The following ANO2 variants were observed in gnomAD, a reference collection of about 807,000 sequenced individuals.
ANO2 encodes the protein anoctamin 2, also known as anoctamin-2.
Under a neutral mutation model 124.2 loss-of-function variants are expected in ANO2, and 101 were observed. That is an observed-to-expected ratio of 0.81 (90% CI 0.69 to 0.96). The LOEUF (loss-of-function observed/expected upper bound fraction) is 0.96, where lower values mean the gene tolerates loss of function less well. Ranked by LOEUF, ANO2 falls within the 40% of genes least tolerant of loss-of-function variation. The pLI, the probability that ANO2 is intolerant of heterozygous loss-of-function variation, is 0.00. For synonymous variants in ANO2, 486 were observed against 482.5 expected (o/e 1.01, Z -0.09); for missense variants, 1,293 against 1,274.5 (o/e 1.01, Z -0.22).
At chr12:5,765,780 C>T (rs1484035118) in intron 10 of ANO2, among the ~76,000 whole-genome samples, 4 of 152,112 alleles carry the variant, frequency 2.6e-5, no homozygotes, top group Non-Finnish European at 2.9e-5. Flanking sequence ...CAAAAACAGG[C>T]CACATAATGG....
intron 19 of ANO2, among the ~76,000 whole-genome samples, chr12:5,600,169 T>C (rs1943867715): frequency 6.6e-6 from 1 of 152,020 alleles, no homozygotes; most frequent in Admixed American, 6.6e-5. Context: ...GAGATATGAC[T>C]TTTAGGAGGT....
At chr12:5,626,225 G>C (rs1945394442) in intron 16 of ANO2, among the ~76,000 whole-genome samples, 1 of 152,150 alleles carries the variant, frequency 6.6e-6, no homozygotes, top group South Asian at 2.1e-4. Context: ...GCGTTTTGAA[G>C]ATTGAAGGTG....
intron 3 of ANO2, among the ~76,000 whole-genome samples, chr12:5,883,966 T>C (rs1476927863): frequency 6.6e-6 from 1 of 152,184 alleles, no homozygotes; most frequent in African/African-American, 2.4e-5. Context: ...AGGTATATAT[T>C]AAAATTCCTG....
intron 14 of ANO2, among the ~76,000 whole-genome samples, chr12:5,722,416 A>G (rs1845705923): frequency 1.3e-5 from 2 of 152,174 alleles, no homozygotes; most frequent in Non-Finnish European, 2.9e-5. Context: ...CTGAGGCAGG[A>G]GAATGGCGTG....
At chr12:5,861,267 C>T (rs73255196) in intron 3 of ANO2, among the ~76,000 whole-genome samples, 2,641 of 152,250 alleles carry the variant, frequency 0.017, 68 homozygotes, top group African/African-American at 0.056. Flanking sequence ...CAACCATCCA[C>T]GGCAATCCTG....
intron 10 of ANO2, among the ~76,000 whole-genome samples, chr12:5,793,936 G>A (rs1952771409): frequency 6.6e-6 from 1 of 152,220 alleles, no homozygotes; most frequent in South Asian, 2.1e-4. Context: ...GAGGAAATGA[G>A]AGAAAGGAGA....
intron 14 of ANO2, among the ~76,000 whole-genome samples, chr12:5,667,643 C>T (rs1187356646): frequency 6.6e-6 from 1 of 152,140 alleles, no homozygotes; most frequent in African/African-American, 2.4e-5. Flanking sequence ...CCTATCAACC[C>T]ATCACCTAGG....
At chr12:5,870,829 T>C (rs1937647683) in intron 3 of ANO2, among the ~76,000 whole-genome samples, 1 of 152,228 alleles carries the variant, frequency 6.6e-6, no homozygotes, top group Admixed American at 6.5e-5. Flanking sequence ...GTACTTGCTA[T>C]CCTAAACAAG....
chr12:5,676,467 A>C (rs1406403181), intron 14 of ANO2, among the ~76,000 whole-genome samples: 1 of 152,160 alleles, frequency 6.6e-6, no homozygotes, highest in Non-Finnish European at 1.5e-5. Context: ...TGTACAGTAC[A>C]TCTCGTTTTA....
chr12:5,914,025 C>A (rs1403603833), intron 3 of ANO2, among the ~76,000 whole-genome samples: 1 of 151,870 alleles, frequency 6.6e-6, no homozygotes, highest in African/African-American at 2.4e-5. Flanking sequence ...CATGGTGAAA[C>A]CCTGTCTCTA....
intron 23 of ANO2, 69 bp downstream of exon 23, chr12:5,575,765 T>A (rs1344471730): frequency 6.6e-7 from 1 of 1,516,384 alleles, no homozygotes. Context: ...TAATTCTAGG[T>A]CGTCCCCGTA....
rs1335757952 is a variant in ANO2, at chr12:5,769,217, G to A, written c.1056-18247C>T. Among the ~76,000 whole-genome samples, 1 of 152,118 alleles carries A rather than the reference G, an allele frequency of 6.6e-6. No individual in the cohort carries two copies. The highest frequency in any genetic ancestry group is 2.1e-4 in the South Asian group (1 of 4,824). On this transcript the variant is annotated intron_variant, in intron 10 of 24. Coordinates refer to ENST00000682330, the MANE Select transcript of ANO2 (RefSeq NM_001364791.2). The surrounding 1 kb of genome is among the most constrained non-coding windows in gnomAD (Gnocchi z 4.0). ...TCCAACCAATCCTCTCTTTAAGAAGGTTTCCAAATAAAGAGCCATCGTATG... is the reference window on the plus strand; with the variant it reads ...TCCAACCAATCCTCTCTTTAAGAAGATTTCCAAATAAAGAGCCATCGTATG...
chr12:5,810,885 C>T (rs77937490), intron 7 of ANO2, among the ~76,000 whole-genome samples: 2,803 of 152,312 alleles, frequency 0.018, 41 homozygotes, highest in Non-Finnish European at 0.031. Context: ...TCCACAGGGG[C>T]AGGGCCAAGA....
chr12:5,649,143 C>G (rs1946790296), intron 14 of ANO2, among the ~76,000 whole-genome samples: 1 of 152,070 alleles, frequency 6.6e-6, no homozygotes, highest in Non-Finnish European at 1.5e-5. Flanking sequence ...TTAAGAATCC[C>G]TGGTCAGTTT....
chr12:5,667,510 A>G (rs1460637007), intron 14 of ANO2, among the ~76,000 whole-genome samples: 1 of 151,742 alleles, frequency 6.6e-6, no homozygotes, highest in Non-Finnish European at 1.5e-5. Flanking sequence ...CAGGGTCACA[A>G]CTTTTGGAAG....
chr12:5,799,314 C>T (rs1952965879), intron 10 of ANO2, among the ~76,000 whole-genome samples, 193 bp downstream of exon 10: 1 of 152,332 alleles, frequency 6.6e-6, no homozygotes, highest in South Asian at 2.1e-4. Context: ...TCTTTTGCCC[C>T]ACGCAGCCTC....
intron 6 of ANO2, 63 bp downstream of exon 6, chr12:5,830,372 G>C (rs1253846116): frequency 3.9e-6 from 6 of 1,542,244 alleles, no homozygotes; most frequent in Non-Finnish European, 5.3e-6. Flanking sequence ...AGAATGCCCT[G>C]CCAACTAGGA....
At chr12:5,671,178 C>T (rs528899279) in intron 14 of ANO2, among the ~76,000 whole-genome samples, 2 of 152,186 alleles carry the variant, frequency 1.3e-5, no homozygotes, top group African/African-American at 2.4e-5. Flanking sequence ...GTGCTGGGAC[C>T]TCTTTCTACA....
At chr12:5,796,501 ACACT>A (rs1000404074) in intron 10 of ANO2, among the ~76,000 whole-genome samples, 1 of 146,824 alleles carries the variant, frequency 6.8e-6, no homozygotes, top group African/African-American at 2.7e-5. Flanking sequence ...ACACAGAGAC[ACACT>A]CTCACACGAA....
Sources: allele counts gnomAD v4.1 joint callset (sites outside exome capture counted in the v4.1 genomes callset), GRCh38; gene constraint gnomAD v4.1.1; non-coding constraint Gnocchi (gnomAD v3.1); transcripts MANE v1.5; gene names NCBI Gene and HGNC (gene_info 2026-07-23, HGNC 2026-07-21).